ASIC2: variants seen among roughly 807,000 people sequenced by gnomAD.
ASIC2 encodes the protein acid sensing ion channel subunit 2, also known as acid-sensing ion channel 2.
A neutral mutation model predicts 57.3 loss-of-function variants in ASIC2; 25 were observed. That is an observed-to-expected ratio of 0.44 (90% CI 0.32 to 0.61). The LOEUF is 0.61. ASIC2 is among the 20% of genes least tolerant of loss of function. The pLI is 0.06. For missense variants in ASIC2, 641 were observed against 738.1 expected (o/e 0.87, Z 1.52); for synonymous variants, 319 against 307.5 (o/e 1.04, Z -0.39).
intron 8 of ASIC2, among the ~76,000 whole-genome samples, chr17:33,016,857 A>T (rs958309944): frequency 2.0e-5 from 3 of 152,158 alleles, no homozygotes; most frequent in African/African-American, 4.8e-5. Context: ...GGTGAAGTGC[A>T]TTGCCCATCT....
At chr17:33,259,344 C>A (rs1466122367) in intron 1 of ASIC2, among the ~76,000 whole-genome samples, 1 of 152,146 alleles carries the variant, frequency 6.6e-6, no homozygotes, top group Non-Finnish European at 1.5e-5. Flanking sequence ...TCTGCAAAAC[C>A]AGGGTCATAA....
intron 1 of ASIC2, among the ~76,000 whole-genome samples, chr17:33,252,792 C>T (rs1908930541): frequency 6.6e-6 from 1 of 152,144 alleles, no homozygotes; most frequent in South Asian, 2.1e-4. Flanking sequence ...CTCTTCCCCT[C>T]ATCCAAGAAC....
chr17:33,311,615 G>T (rs983784538), intron 1 of ASIC2, among the ~76,000 whole-genome samples: 1 of 152,132 alleles, frequency 6.6e-6, no homozygotes, highest in African/African-American at 2.4e-5. Flanking sequence ...TTGGGAGATG[G>T]AGAGAGAAGT....
chr17:33,219,178 T>C (rs1426421436), intron 1 of ASIC2, among the ~76,000 whole-genome samples: 1 of 152,094 alleles, frequency 6.6e-6, no homozygotes. Context: ...AGATGGGAAA[T>C]GTTCCATATT....
chr17:33,955,034 T>A (rs946728368), intron 1 of ASIC2: 1 of 152,244 alleles, frequency 6.6e-6, no homozygotes. Context: ...ACTGATTTCT[T>A]GCTTGCATCA....
intron 1 of ASIC2, among the ~76,000 whole-genome samples, chr17:33,204,464 C>T (rs1906988262): frequency 6.6e-6 from 1 of 152,212 alleles, no homozygotes; most frequent in Non-Finnish European, 1.5e-5. Context: ...TTTGTTGTGT[C>T]TACTGCCTGA....
rs555259148 is a variant in ASIC2 at position 33,644,434 on chromosome 17, A to G, written c.555+511544T>C. Among the ~76,000 whole-genome samples the G allele has an allele frequency of 2.6e-5, 4 of 152,220 alleles. No homozygotes were observed. The East Asian group carries it at 5.8e-4, about 22-fold the overall frequency. On this transcript the variant is annotated intron_variant, in intron 1 of 9. Coordinates refer to the ASIC2 transcript ENST00000359872. The stretch of plus-strand genomic sequence containing the variant: ...CCTAGATGTTCATTGTGGTTTCATC[A>G]TCTATTTGATCTCTCCTGTGATGTT...
chr17:33,061,191 A>G, intron 3 of ASIC2, among the ~76,000 whole-genome samples: 1 of 152,178 alleles, frequency 6.6e-6, no homozygotes, highest in East Asian at 1.9e-4. Context: ...AGAACTTCCA[A>G]CACTATGTTG....
At chr17:33,817,280 C>T (rs1031478991) in intron 1 of ASIC2, among the ~76,000 whole-genome samples, 1 of 152,174 alleles carries the variant, frequency 6.6e-6, no homozygotes, top group Non-Finnish European at 1.5e-5. Flanking sequence ...GCTAGGTTTC[C>T]CTGAACTGTG....
intron 1 of ASIC2, among the ~76,000 whole-genome samples, chr17:33,741,106 G>A (rs2142097929): frequency 6.6e-6 from 1 of 152,270 alleles, no homozygotes; most frequent in Admixed American, 6.5e-5. Context: ...GGGGCTTCTA[G>A]GCAGGTCAAG....
At chr17:33,310,455 A>G (rs897871902) in intron 1 of ASIC2, among the ~76,000 whole-genome samples, 1 of 152,170 alleles carries the variant, frequency 6.6e-6, no homozygotes, top group Non-Finnish European at 1.5e-5. Context: ...TCGTCTTCAG[A>G]GAGACCTTGA....
rs140608077 is a variant in ASIC2 at position 33,754,320 on chromosome 17, G to A, written c.555+401658C>T. On this transcript the variant is annotated intron_variant, in intron 1 of 9. Coordinates refer to the ASIC2 transcript ENST00000359872. ...AGGTGGCGTTCCTTCTGGTTAGAGG[G>A]GTTATGCATATTCATTGTGAGAAGG... 3.2e-3 allele frequency among the ~76,000 whole-genome samples: 484 copies of A among 152,126 alleles called. 4 individuals carry two copies. The highest frequency in any genetic ancestry group is 0.011 in the African/African-American group (467 of 41,492).
At chr17:33,828,918 C>T (rs1427446351) in intron 1 of ASIC2, among the ~76,000 whole-genome samples, 19 of 152,052 alleles carry the variant, frequency 1.2e-4, no homozygotes, top group Admixed American at 1.1e-3. Flanking sequence ...TTCTTAGGGT[C>T]GTGTGATGGA....
intron 1 of ASIC2, among the ~76,000 whole-genome samples, chr17:33,597,818 C>T (rs567333112): frequency 2.2e-4 from 33 of 152,298 alleles, no homozygotes; most frequent in African/African-American, 6.0e-4. Flanking sequence ...CTCTGTCTCC[C>T]GGCTCATCCC....
intron 1 of ASIC2, among the ~76,000 whole-genome samples, chr17:33,907,238 G>A (rs1416851247): frequency 1.3e-5 from 2 of 152,152 alleles, no homozygotes; most frequent in Non-Finnish European, 2.9e-5. Flanking sequence ...CTACTGCTCA[G>A]TATGCACTGG....
chr17:33,091,787 C>T (rs977674006), intron 2 of ASIC2, among the ~76,000 whole-genome samples: 2 of 152,218 alleles, frequency 1.3e-5, no homozygotes, highest in African/African-American at 4.8e-5. Flanking sequence ...AAGGTTTCTG[C>T]TCTCTTTAGA....
At chr17:33,642,044 C>T (rs1906583241) in intron 1 of ASIC2, among the ~76,000 whole-genome samples, 1 of 152,038 alleles carries the variant, frequency 6.6e-6, no homozygotes, top group African/African-American at 2.4e-5. Flanking sequence ...TAGGACAGGA[C>T]TAATACATTC....
At chr17:33,917,955 G>A (rs992180194) in intron 1 of ASIC2, among the ~76,000 whole-genome samples, 8 of 141,824 alleles carry the variant, frequency 5.6e-5, no homozygotes, top group South Asian at 4.4e-4. Flanking sequence ...CCACACACAC[G>A]TGCATGTGCA....
At chr17:33,622,321 C>T (rs1451033483) in intron 1 of ASIC2, among the ~76,000 whole-genome samples, 1 of 152,070 alleles carries the variant, frequency 6.6e-6, no homozygotes, top group Admixed American at 6.6e-5. Flanking sequence ...AAAGAAACTT[C>T]TGTCGGGACT....
Sources: allele counts gnomAD v4.1 joint callset (sites outside exome capture counted in the v4.1 genomes callset), GRCh38; gene constraint gnomAD v4.1.1; transcripts MANE v1.5; gene names NCBI Gene and HGNC (gene_info 2026-07-23, HGNC 2026-07-21).